The following GRIP1 variants were observed in gnomAD, a reference collection of about 807,000 sequenced individuals.
GRIP1 encodes glutamate receptor-interacting protein 1.
A neutral mutation model predicts 129.9 loss-of-function variants in GRIP1; 45 were observed. The observed-to-expected ratio is 0.35, with a 90% confidence interval of 0.27 to 0.44. GRIP1 has a LOEUF of 0.44. Ranked by LOEUF, GRIP1 falls within the 20% of genes least tolerant of loss-of-function variation. The pLI, the probability that GRIP1 is intolerant of heterozygous loss-of-function variation, is 1.00. For synonymous variants in GRIP1, 530 were observed against 520.8 expected (o/e 1.02, Z -0.24); for missense variants, 1,196 against 1,396.8 (o/e 0.86, Z 2.29).
chr12:66,587,335 C>T (rs1254484542), intron 2 of GRIP1, among the ~76,000 whole-genome samples: 1 of 152,228 alleles, frequency 6.6e-6, no homozygotes, highest in Non-Finnish European at 1.5e-5. Context: ...CAACCTTGGC[C>T]TTTGGAGGCA....
chr12:66,494,031 T>G (rs1285622405), intron 7 of GRIP1, among the ~76,000 whole-genome samples: 1 of 152,192 alleles, frequency 6.6e-6, no homozygotes, highest in Non-Finnish European at 1.5e-5. Context: ...AAAGTATGCC[T>G]CACTCCCTTA....
chr12:66,745,388 G>A (rs1592801446), intron 1 of GRIP1, among the ~76,000 whole-genome samples: 2 of 152,154 alleles, frequency 1.3e-5, no homozygotes, highest in African/African-American at 4.8e-5. Flanking sequence ...TAAATAATAA[G>A]GAAAAACAGG....
chr12:66,438,051 TAAC>T (rs1270038557), intron 13 of GRIP1, among the ~76,000 whole-genome samples: 1 of 152,264 alleles, frequency 6.6e-6, no homozygotes, highest in Non-Finnish European at 1.5e-5. Flanking sequence ...TTATTGTAGT[TAAC>T]AATAATTAAC....
chr12:66,489,088 T>G, intron 7 of GRIP1, among the ~76,000 whole-genome samples: 1 of 152,058 alleles, frequency 6.6e-6, no homozygotes, highest in East Asian at 1.9e-4. Context: ...TCAAACAAAT[T>G]GAAAAGGAGG....
intron 1 of GRIP1, among the ~76,000 whole-genome samples, chr12:66,599,835 A>C (rs1453550354): frequency 1.1e-4 from 17 of 152,324 alleles, no homozygotes; most frequent in Admixed American, 1.1e-3. Flanking sequence ...CAGAAAGATA[A>C]ATTTATAGAA....
chr12:66,364,737 T>C (rs899684053), intron 23 of GRIP1, among the ~76,000 whole-genome samples: 1 of 152,186 alleles, frequency 6.6e-6, no homozygotes, highest in Non-Finnish European at 1.5e-5. Context: ...AAAAATGAAA[T>C]GAGGATGGTC....
intron 2 of GRIP1, among the ~76,000 whole-genome samples, chr12:66,582,734 C>T (rs1184508335): frequency 6.9e-6 from 1 of 144,242 alleles, no homozygotes; most frequent in African/African-American, 2.6e-5. Context: ...GAACTACAAA[C>T]CACTGCTCAA....
upstream of GRIP1, among the ~76,000 whole-genome samples, chr12:66,683,361 A>G (rs1050592873): frequency 1.3e-5 from 2 of 152,092 alleles, no homozygotes; most frequent in African/African-American, 4.8e-5. Context: ...GGAGATGTAC[A>G]CTGAACAGAA....
At position 66,970,832 on chromosome 12, in the gene GRIP1, C is replaced by T. The variant is rs545658514; in HGVS notation, c.58+98218G>A. Among the ~76,000 whole-genome samples, 25 of 152,228 alleles carry T rather than the reference C, an allele frequency of 1.6e-4. 1 individual carries two copies. The highest frequency in any genetic ancestry group is 3.9e-4 in the Admixed American group (6 of 15,278). ...TTGACACAGGAATCTAGAGGTGCCTCGAGTCAGAGAACTATCTTCTCCCCA... is the reference window on the plus strand; with the variant it reads ...TTGACACAGGAATCTAGAGGTGCCTTGAGTCAGAGAACTATCTTCTCCCCA... On this transcript the variant is annotated intron_variant, in intron 1 of 1. Coordinates refer to the GRIP1 transcript ENST00000643019.
chr12:66,351,555 G>GTTTTTTTTTTTT (rs1565655525), intron 24 of GRIP1, among the ~76,000 whole-genome samples: 3 of 143,520 alleles, frequency 2.1e-5, no homozygotes, highest in Admixed American at 7.2e-5. Context: ...ACAGGAAGGT[G>GTTTTTTTTTTTT]GTTTTTTTTT....
chr12:66,954,634 C>G (rs910758475), intron 1 of GRIP1, among the ~76,000 whole-genome samples: 1 of 152,160 alleles, frequency 6.6e-6, no homozygotes, highest in South Asian at 2.1e-4. Context: ...CCACTTTCAT[C>G]GGACAGTAAT....
intron 1 of GRIP1, among the ~76,000 whole-genome samples, chr12:67,016,125 C>T (rs954086894): frequency 1.3e-5 from 2 of 152,226 alleles, no homozygotes; most frequent in East Asian, 3.8e-4. Flanking sequence ...TTAAGATGCA[C>T]TGACACTGTT....
intron 1 of GRIP1, among the ~76,000 whole-genome samples, chr12:66,635,425 A>T (rs1483978467): frequency 6.8e-6 from 1 of 147,326 alleles, no homozygotes; most frequent in Admixed American, 6.8e-5. Context: ...CCCTGTCTCT[A>T]AAAAAAAAAG....
At chr12:66,695,653 T>G (rs536874155) in intron 1 of GRIP1, among the ~76,000 whole-genome samples, 1 of 152,262 alleles carries the variant, frequency 6.6e-6, no homozygotes, top group East Asian at 1.9e-4. Flanking sequence ...AAAATTGAGG[T>G]TGATAATCTT....
At chr12:66,583,348 C>G (rs1486074465) in intron 2 of GRIP1, among the ~76,000 whole-genome samples, 1 of 149,440 alleles carries the variant, frequency 6.7e-6, no homozygotes, top group African/African-American at 2.5e-5. Context: ...TAGGCATGGG[C>G]AAGGACTTCA....
At chr12:66,507,162 T>C (rs903566000) in intron 7 of GRIP1, among the ~76,000 whole-genome samples, 4 of 152,272 alleles carry the variant, frequency 2.6e-5, no homozygotes, top group South Asian at 2.1e-4. Context: ...GTATGGGCCA[T>C]GCGTGGTGGC....
At chr12:66,769,421 T>C (rs1472342249) in intron 1 of GRIP1, among the ~76,000 whole-genome samples, 3 of 152,040 alleles carry the variant, frequency 2.0e-5, no homozygotes, top group Non-Finnish European at 4.4e-5. Flanking sequence ...TCTTTCTGCA[T>C]GCTTATGAAA....
chr12:66,590,791 G>T (rs1297160890), intron 2 of GRIP1, among the ~76,000 whole-genome samples: 13 of 152,168 alleles, frequency 8.5e-5, no homozygotes, highest in Admixed American at 8.5e-4. Flanking sequence ...CATTAGTCTT[G>T]GGCAGCAGGC....
chr12:66,936,124 C>T (rs983702887), intron 1 of GRIP1, among the ~76,000 whole-genome samples: 6 of 152,118 alleles, frequency 3.9e-5, no homozygotes, highest in African/African-American at 1.4e-4. Flanking sequence ...TGTCCTGATC[C>T]TAAAGGGAGA....
Sources: allele counts gnomAD v4.1 joint callset (sites outside exome capture counted in the v4.1 genomes callset), GRCh38; gene constraint gnomAD v4.1.1; transcripts MANE v1.5; gene names NCBI Gene and HGNC (gene_info 2026-07-23, HGNC 2026-07-21).